LGSN: variants seen among roughly 807,000 people sequenced by gnomAD.
The protein encoded by LGSN is lengsin, lens protein with glutamine synthetase domain.
A neutral mutation model predicts 19.5 loss-of-function variants in LGSN; 21 were observed. That is an observed-to-expected ratio of 1.07 (90% CI 0.76 to 1.55). The LOEUF (loss-of-function observed/expected upper bound fraction) is 1.55. Among genes scored for constraint, LGSN ranks in the 40% most tolerant of loss-of-function variants. LGSN has a pLI of 0.00. For missense variants in LGSN, 673 were observed against 608.5 expected (o/e 1.11, Z -1.12); for synonymous variants, 257 against 215.6 (o/e 1.19, Z -1.68).
At chr6:63,371,707 T>C in the LGSN span, among the ~76,000 whole-genome samples, 1 of 152,168 alleles carries the variant, frequency 6.6e-6, no homozygotes, top group Non-Finnish European at 1.5e-5. Flanking sequence ...TAAAGAGTTA[T>C]TAGTCAAATA....
At chr6:63,557,062 G>T in the LGSN span, among the ~76,000 whole-genome samples, 1 of 152,276 alleles carries the variant, frequency 6.6e-6, no homozygotes, top group East Asian at 1.9e-4. Context: ...TACTTATTAT[G>T]TGCCAAGTAC....
the LGSN span, among the ~76,000 whole-genome samples, chr6:63,431,104 C>T: frequency 1.3e-3 from 199 of 152,172 alleles, 1 homozygote; most frequent in Non-Finnish European, 2.2e-3. Context: ...TTGATCTTCA[C>T]AAATAACCCT....
Position 63,276,296 on chromosome 6 carries a change from C to T in LGSN, c.*3725G>A, listed in dbSNP as rs1767105813. Reference sequence around the variant, plus strand: ...TTAAAGTTTTTTGATCTTTCATTGCCTTCAAATAATCATTTCAAGCGTTGT... The same window carrying T: ...TTAAAGTTTTTTGATCTTTCATTGCTTTCAAATAATCATTTCAAGCGTTGT... On this transcript the variant is annotated 3_prime_UTR_variant, in exon 4 of 4. Coordinates refer to ENST00000370657, the MANE Select transcript of LGSN (RefSeq NM_016571.3). 6.6e-6 allele frequency: 1 copy of T among 152,124 alleles called. No homozygotes were observed. Among genetic ancestry groups the T allele is most frequent in the Admixed American group, 6.5e-5 (1 of 15,276 alleles). The allele number at this position is 152,124 out of a possible 1,614,324, so 9.4% of individuals were successfully genotyped here.
the LGSN span, chr6:63,441,675 A>G: frequency 2.1e-6 from 1 of 469,748 alleles, no homozygotes; most frequent in Non-Finnish European, 4.1e-6. Context: ...AAGGAGTATG[A>G]TGCCCTCAAA....
chr6:63,536,276 G>A, the LGSN span, among the ~76,000 whole-genome samples: 1 of 152,130 alleles, frequency 6.6e-6, no homozygotes, highest in East Asian at 1.9e-4. Context: ...GTTGCAGTGA[G>A]CTGAAATCCT....
the LGSN span, among the ~76,000 whole-genome samples, chr6:63,523,190 C>A: frequency 9.2e-5 from 14 of 151,730 alleles, no homozygotes; most frequent in Non-Finnish European, 1.8e-4. Context: ...TTTTTTTTTA[C>A]ATCACTCTTA....
chr6:63,437,153 GA>G, the LGSN span, among the ~76,000 whole-genome samples: 1 of 107,154 alleles, frequency 9.3e-6, no homozygotes, highest in African/African-American at 3.3e-5. Context: ...AAGAAAGAGA[GA>G]GAAGGGAGGG....
chr6:63,351,532 C>T, the LGSN span, among the ~76,000 whole-genome samples: 1 of 152,076 alleles, frequency 6.6e-6, no homozygotes, highest in African/African-American at 2.4e-5. Context: ...GATTTCAGCT[C>T]ACTGCAACCT....
intron 2 of LGSN, among the ~76,000 whole-genome samples, chr6:63,287,663 G>A (rs1241597368): frequency 6.6e-6 from 1 of 151,982 alleles, no homozygotes; most frequent in Non-Finnish European, 1.5e-5. Flanking sequence ...AGCAAAGATC[G>A]CGCCACTGCA....
the LGSN span, among the ~76,000 whole-genome samples, chr6:63,369,084 G>A: frequency 6.6e-6 from 1 of 152,196 alleles, no homozygotes; most frequent in Admixed American, 6.5e-5. Flanking sequence ...CAGTTTAAAT[G>A]TGCTGTTTTA....
At chr6:63,462,083 CT>C in the LGSN span, among the ~76,000 whole-genome samples, 1 of 152,130 alleles carries the variant, frequency 6.6e-6, no homozygotes. Flanking sequence ...TCTTCCAGGT[CT>C]TTTCCAAAAG....
the LGSN span, among the ~76,000 whole-genome samples, chr6:63,409,566 G>T: frequency 6.6e-6 from 1 of 152,038 alleles, no homozygotes; most frequent in Non-Finnish European, 1.5e-5. Flanking sequence ...TTAAATTTCA[G>T]CTCTGACAGT....
At chr6:63,525,992 G>C in the LGSN span, among the ~76,000 whole-genome samples, 1 of 152,154 alleles carries the variant, frequency 6.6e-6, no homozygotes, top group Non-Finnish European at 1.5e-5. Flanking sequence ...ATACAAAAGA[G>C]TGGTGCCAGG....
the LGSN span, among the ~76,000 whole-genome samples, chr6:63,372,172 C>T: frequency 2.0e-5 from 3 of 152,184 alleles, no homozygotes; most frequent in Non-Finnish European, 2.9e-5. Flanking sequence ...AAAACAGACT[C>T]CTCTGGGGCT....
chr6:63,465,156 G>A, the LGSN span, among the ~76,000 whole-genome samples: 9 of 151,830 alleles, frequency 5.9e-5, no homozygotes, highest in African/African-American at 9.7e-5. Context: ...CTACTACTGC[G>A]CGTCTATTTC....
chr6:63,332,056 C>T, the LGSN span, among the ~76,000 whole-genome samples: 1 of 152,076 alleles, frequency 6.6e-6, no homozygotes. Flanking sequence ...AGGAAGGATA[C>T]AATTTCTGAG....
chr6:63,484,519 G>C, the LGSN span, among the ~76,000 whole-genome samples: 92 of 151,740 alleles, frequency 6.1e-4, 1 homozygote, highest in East Asian at 0.016. Context: ...GCCAGACTCC[G>C]TCTCAAAAAA....
upstream of LGSN, among the ~76,000 whole-genome samples, chr6:63,323,559 TACACACACAC>T (rs58400159): frequency 4.1e-3 from 548 of 132,824 alleles, 6 homozygotes; most frequent in African/African-American, 0.013. Context: ...AAACCTCATA[TACACACACAC>T]ACACACACAC....
chr6:63,526,674 G>A, the LGSN span, among the ~76,000 whole-genome samples: 1 of 151,296 alleles, frequency 6.6e-6, no homozygotes, highest in African/African-American at 2.4e-5. Flanking sequence ...TGGACGTGGT[G>A]GCGTGTGCCT....
Sources: gnomAD v4.1 joint callset for allele counts (sites outside exome capture counted in the v4.1 genomes callset) on GRCh38, gnomAD v4.1.1 for gene constraint, MANE v1.5 for transcripts, NCBI Gene and HGNC (gene_info 2026-07-23, HGNC 2026-07-21) for gene names.